The following UNC13B variants were observed in gnomAD, a reference collection of about 807,000 sequenced individuals.
The protein encoded by UNC13B is protein unc-13 homolog B.
In UNC13B, 144 loss-of-function variants were observed where a neutral mutation model predicts 211.0. The ratio of observed to expected loss-of-function variants is 0.68; its 90% CI spans 0.60 to 0.78. The LOEUF is 0.78. UNC13B is among the 30% of genes least tolerant of loss of function. UNC13B has a pLI of 0.00. For synonymous variants in UNC13B, 709 were observed against 725.8 expected (o/e 0.98, Z 0.37); for missense variants, 1,777 against 2,002.0 (o/e 0.89, Z 2.14).
chr9:35,398,715 C>A, intron 32 of UNC13B, 73 bp downstream of exon 32: 1 of 1,579,898 alleles, frequency 6.3e-7, no homozygotes. Flanking sequence ...CCTTGCCCCA[C>A]ACCTCTCCAT....
chr9:35,399,335 C>G (rs780956500), intron 34 of UNC13B, 51 bp downstream of exon 34: 4 of 1,614,144 alleles, frequency 2.5e-6, no homozygotes, highest in South Asian at 1.1e-5. Context: ...CCCCTCACTC[C>G]CTGCTTCCTG....
chr9:35,207,638 T>C (rs1431146490), intron 1 of UNC13B, among the ~76,000 whole-genome samples: 1 of 151,980 alleles, frequency 6.6e-6, no homozygotes, highest in African/African-American at 2.4e-5. Context: ...CCTGGCCTCA[T>C]TGGCCATTTG....
chr9:35,184,986 A>G (rs537623087), intron 1 of UNC13B, among the ~76,000 whole-genome samples: 2 of 152,310 alleles, frequency 1.3e-5, no homozygotes, highest in Non-Finnish European at 2.9e-5. Flanking sequence ...TTTCCTCCCA[A>G]GAATAATGAG....
At position 35,377,576 on chromosome 9, in the gene UNC13B, T is replaced by C; in HGVS notation, c.9944T>C (p.Phe3315Ser). 6.2e-7 allele frequency: 1 copy of C among 1,614,214 alleles called. No homozygotes were observed. Among genetic ancestry groups the C allele is most frequent in the East Asian group, 2.2e-5 (1 of 44,878 alleles). The stretch of plus-strand genomic sequence containing the variant: ...CGAGAGCGAAATAAGCCAGAGATCT[T>C]TGAAGTTATCCGGGACGTCTTCACA... ...KIRERNKPEI[F>S]EVIRDVFTVN... Residue 3315 changes from phenylalanine (F) to serine (S), a missense_variant, in exon 16 of 40, where the codon TTT (phenylalanine) becomes TCT (serine). By Grantham distance (155) the Phe-to-Ser change is radical (BLOSUM62 -2). Transcript: ENST00000635942.
chr9:35,258,386 A>T (rs1462841406), intron 6 of UNC13B, among the ~76,000 whole-genome samples: 1 of 151,990 alleles, frequency 6.6e-6, no homozygotes, highest in Non-Finnish European at 1.5e-5. Flanking sequence ...TTTTCCTTTT[A>T]TGGAACATTG....
At chr9:35,357,904 T>C (rs1432183154) in intron 11 of UNC13B, among the ~76,000 whole-genome samples, 3 of 152,230 alleles carry the variant, frequency 2.0e-5, no homozygotes. Flanking sequence ...ATGCTTCTCA[T>C]CTTGCAAAAC....
intron 16 of UNC13B, 81 bp downstream of exon 16, chr9:35,377,776 G>A (rs1834529801): frequency 1.4e-6 from 2 of 1,385,190 alleles, no homozygotes; most frequent in African/African-American, 1.4e-5. Flanking sequence ...TGAGCGTGAG[G>A]GAGCAAGGGA....
At chr9:35,392,282 A>G (rs1332790133) in intron 26 of UNC13B, among the ~76,000 whole-genome samples, 2 of 152,218 alleles carry the variant, frequency 1.3e-5, no homozygotes, top group African/African-American at 4.8e-5. Flanking sequence ...CAGTATTTTA[A>G]TAAGATCTAC....
intron 37 of UNC13B, among the ~76,000 whole-genome samples, chr9:35,402,342 A>C (rs1836372448): frequency 7.1e-6 from 1 of 140,116 alleles, no homozygotes; most frequent in African/African-American, 2.7e-5. Flanking sequence ...AGTCCAGTGG[A>C]GCGATCTCTG....
At position 35,397,710 on chromosome 9, in the gene UNC13B, C is replaced by G. The variant is rs1320713998; in HGVS notation, c.11752C>G (p.Leu3918Val). The G allele has an allele frequency of 1.9e-6, 3 of 1,614,032 alleles. No homozygotes were observed. Among genetic ancestry groups the G allele is most frequent in the Non-Finnish European group, 2.5e-6 (3 of 1,179,954 alleles). The change falls in exon 30 of 40, where the codon CTG becomes GTG. Residue 3918 changes from leucine (L) to valine (V), a missense_variant and splice_region_variant. Transcript: ENST00000635942. ...CCCAGCCTATTGCACAAAGGAGAAA[C>G]TGGTAGGTTCAGGCCCTGGGACTCT... is the stretch of plus-strand genomic sequence containing the variant. ...DFPAYCTKEK[L>V]PCILMNNVQQ...
At chr9:35,208,070 A>G (rs895494967) in intron 1 of UNC13B, among the ~76,000 whole-genome samples, 4 of 152,192 alleles carry the variant, frequency 2.6e-5, no homozygotes, top group Admixed American at 6.5e-5. Flanking sequence ...GGATATCTCT[A>G]TCAGCCAGTA....
chr9:35,302,932 G>T lies in UNC13B; in HGVS notation c.3528G>T (p.Lys1176Asn), dbSNP rs1378370448. The T allele has an allele frequency of 6.5e-5, 26 of 398,488 alleles. 1 individual carries two copies. In the South Asian group the frequency reaches 8.9e-4, roughly 14 times the overall value. 24.7% of individuals were successfully genotyped at this position (398,488 alleles called of 1,614,324 possible). ...TGAAAAATGATGACTCCCATCACAAGAATAATACCCCAGGTTTAATCTCTG... is the reference window on the plus strand; with the variant it reads ...TGAAAAATGATGACTCCCATCACAATAATAATACCCCAGGTTTAATCTCTG... ...LNLKNDDSHH[K>N]NNTPGLISGI... The change falls in exon 9 of 40, where the codon AAG (lysine) becomes AAT (asparagine). Residue 1176 changes from lysine (K) to asparagine (N), a missense_variant. Coordinates refer to ENST00000635942, the MANE Select transcript of UNC13B (RefSeq NM_001371189.2).
chr9:35,162,805 G>A (rs1011096636), intron 1 of UNC13B, among the ~76,000 whole-genome samples: 1 of 152,162 alleles, frequency 6.6e-6, no homozygotes, highest in African/African-American at 2.4e-5. Flanking sequence ...CGGTAGTATA[G>A]GCTAAGATTA....
intron 7 of UNC13B, among the ~76,000 whole-genome samples, chr9:35,283,077 A>G (rs1174375505): frequency 6.6e-6 from 1 of 152,230 alleles, no homozygotes; most frequent in African/African-American, 2.4e-5. Flanking sequence ...ACACAATACT[A>G]TAGTGAGCAA....
intron 1 of UNC13B, among the ~76,000 whole-genome samples, chr9:35,195,967 T>C (rs1310966255): frequency 6.6e-6 from 1 of 152,268 alleles, no homozygotes; most frequent in Non-Finnish European, 1.5e-5. Flanking sequence ...ACCATGCTAA[T>C]ACACATACAC....
chr9:35,256,383 T>G (rs569990194), intron 6 of UNC13B, among the ~76,000 whole-genome samples: 141 of 152,308 alleles, frequency 9.3e-4, no homozygotes, highest in African/African-American at 3.1e-3. Flanking sequence ...GTATAATTTT[T>G]AACATTGTAA....
chr9:35,381,009 G>C (rs1834792498), intron 18 of UNC13B, 91 bp from the exon 19 acceptor site: 1 of 1,273,350 alleles, frequency 7.9e-7, no homozygotes, highest in Non-Finnish European at 1.1e-6. Flanking sequence ...CCTTGGGTTG[G>C]CCCCTTCTCT....
chr9:35,255,491 A>T (rs1826823905), intron 6 of UNC13B, among the ~76,000 whole-genome samples: 2 of 152,140 alleles, frequency 1.3e-5, no homozygotes, highest in African/African-American at 4.8e-5. Context: ...TTATTACTCA[A>T]ATCAGTCTCC....
intron 7 of UNC13B, among the ~76,000 whole-genome samples, chr9:35,259,788 G>T: frequency 7.9e-6 from 1 of 126,268 alleles, no homozygotes; most frequent in Non-Finnish European, 1.7e-5. Context: ...TGTGTGTGTA[G>T]GGGGATGCGG....
Sources: allele counts gnomAD v4.1 joint callset (sites outside exome capture counted in the v4.1 genomes callset), GRCh38; gene constraint gnomAD v4.1.1; transcripts MANE v1.5; gene names NCBI Gene and HGNC (gene_info 2026-07-23, HGNC 2026-07-21).